The following XYLT1 variants were observed in gnomAD, a reference collection of about 807,000 sequenced individuals.
The protein encoded by XYLT1 is xylosyltransferase 1.
In XYLT1, 36 loss-of-function variants were observed where a neutral mutation model predicts 91.3. That is an observed-to-expected ratio of 0.39 (90% CI 0.30 to 0.52). The LOEUF (loss-of-function observed/expected upper bound fraction) is 0.52. Among genes scored for constraint, XYLT1 ranks in the 20% least tolerant of loss-of-function variants. XYLT1 has a pLI of 0.68. For missense variants in XYLT1, 1,242 were observed against 1,284.5 expected (o/e 0.97, Z 0.51); for synonymous variants, 588 against 532.0 (o/e 1.11, Z -1.45).
intron 1 of XYLT1, among the ~76,000 whole-genome samples, chr16:17,363,079 A>G (rs892890214): frequency 2.6e-5 from 4 of 152,180 alleles, no homozygotes; most frequent in Non-Finnish European, 5.9e-5. Flanking sequence ...AACTTGGAAA[A>G]TCTAAGAAAC....
At chr16:17,466,967 C>T (rs2036906035) in intron 1 of XYLT1, among the ~76,000 whole-genome samples, 1 of 151,952 alleles carries the variant, frequency 6.6e-6, no homozygotes, top group Admixed American at 6.6e-5. Flanking sequence ...AAAAGCTATA[C>T]CTCCAAGGCT....
At chr16:17,178,554 G>T (rs2031995552) in intron 5 of XYLT1, among the ~76,000 whole-genome samples, 2 of 152,170 alleles carry the variant, frequency 1.3e-5, no homozygotes, top group South Asian at 4.1e-4. Context: ...CGTGTTCTGG[G>T]CAAGGCCACG....
intron 2 of XYLT1, among the ~76,000 whole-genome samples, chr16:17,302,951 CCGTGAG>C (rs2034418829): frequency 6.6e-6 from 1 of 151,938 alleles, no homozygotes; most frequent in African/African-American, 2.4e-5. Context: ...ACACATGTGA[CCGTGAG>C]CTTAATGCAA....
chr16:17,379,757 TC>T (rs1567401438), intron 1 of XYLT1, among the ~76,000 whole-genome samples: 1,664 of 129,908 alleles, frequency 0.013, 34 homozygotes, highest in African/African-American at 0.054. Context: ...TCTCTCTCTC[TC>T]TCTCTCACAC....
Position 17,408,902 on chromosome 16 carries a change from G to A in XYLT1, c.364-50852C>T, listed in dbSNP as rs1163608181. Among the ~76,000 whole-genome samples the A allele has an allele frequency of 4.6e-5, 7 of 152,234 alleles. No individual in the cohort carries two copies. The East Asian group carries it at 7.7e-4, about 17-fold the overall frequency. ...GTAACGAGTGTTAGATATTGGTGGGGGTGGCATCAGAAGGACTTTGTGTGA... is the reference window on the plus strand; with the variant it reads ...GTAACGAGTGTTAGATATTGGTGGGAGTGGCATCAGAAGGACTTTGTGTGA... On this transcript the variant is annotated intron_variant, in intron 1 of 11. Transcript: ENST00000261381.
intron 2 of XYLT1, among the ~76,000 whole-genome samples, chr16:17,316,341 G>A (rs2034632025): frequency 6.6e-6 from 1 of 152,154 alleles, no homozygotes; most frequent in South Asian, 2.1e-4. Flanking sequence ...CCCCCTCCAT[G>A]CAGATTTGGG....
intron 2 of XYLT1, among the ~76,000 whole-genome samples, chr16:17,274,278 T>A (rs1348258430): frequency 1.3e-5 from 2 of 152,208 alleles, no homozygotes; most frequent in African/African-American, 4.8e-5. Context: ...AGTCTATTGA[T>A]CTTTTTTAGA....
intron 2 of XYLT1, among the ~76,000 whole-genome samples, chr16:17,277,188 T>C (rs2033990013): frequency 6.6e-6 from 1 of 152,206 alleles, no homozygotes; most frequent in Admixed American, 6.5e-5. Context: ...CTGTTATCTA[T>C]TTTTATCTAT....
At chr16:17,261,483 T>TC (rs560994220) in intron 2 of XYLT1, among the ~76,000 whole-genome samples, 311 of 152,214 alleles carry the variant, frequency 2.0e-3, no homozygotes, top group Middle Eastern at 6.8e-3. Context: ...ACCAGGCAGA[T>TC]CACAGACCCC....
intron 2 of XYLT1, among the ~76,000 whole-genome samples, chr16:17,286,424 A>G (rs957607028): frequency 1.3e-5 from 2 of 152,220 alleles, no homozygotes; most frequent in Non-Finnish European, 2.9e-5. Flanking sequence ...TCACCAATAT[A>G]AAGACCACTC....
intron 3 of XYLT1, among the ~76,000 whole-genome samples, chr16:17,245,787 A>G (rs1313473094): frequency 1.3e-5 from 2 of 152,218 alleles, no homozygotes; most frequent in African/African-American, 4.8e-5. Flanking sequence ...ATGAAAAATT[A>G]TTGCTTTGTC....
intron 5 of XYLT1, 83 bp from the exon 6 acceptor site, chr16:17,158,992 G>A (rs1201320338): frequency 8.0e-7 from 1 of 1,252,994 alleles, no homozygotes; most frequent in Non-Finnish European, 1.2e-6. Flanking sequence ...CACCAATTAT[G>A]TCAGTCTGCT....
At chr16:17,198,462 AC>A (rs2032474886) in intron 4 of XYLT1, 48 bp from the exon 5 acceptor site, 1 of 1,571,398 alleles carries the variant, frequency 6.4e-7, no homozygotes, top group Non-Finnish European at 8.7e-7. Flanking sequence ...CCTAGAAAAT[AC>A]CCAGGCATGC....
chr16:17,307,450 G>A (rs1051721862), intron 2 of XYLT1, among the ~76,000 whole-genome samples: 8 of 152,158 alleles, frequency 5.3e-5, no homozygotes, highest in African/African-American at 1.7e-4. Context: ...TTCATTACAG[G>A]AGTCATCTCT....
intron 2 of XYLT1, among the ~76,000 whole-genome samples, chr16:17,307,677 G>T (rs2034488053): frequency 6.6e-6 from 1 of 152,182 alleles, no homozygotes; most frequent in African/African-American, 2.4e-5. Context: ...TCTTTCCAAT[G>T]ACTCTGGCCC....
At chr16:17,163,389 T>C (rs1024630766) in intron 5 of XYLT1, among the ~76,000 whole-genome samples, 1 of 152,166 alleles carries the variant, frequency 6.6e-6, no homozygotes, top group Admixed American at 6.5e-5. Context: ...AAAGGTGCCC[T>C]GGGCACACAG....
At chr16:17,233,234 C>A (rs1293176777) in intron 3 of XYLT1, among the ~76,000 whole-genome samples, 2 of 152,218 alleles carry the variant, frequency 1.3e-5, no homozygotes, top group Admixed American at 6.5e-5. Flanking sequence ...GACCTCAAGG[C>A]AAACTCATGC....
intron 2 of XYLT1, among the ~76,000 whole-genome samples, chr16:17,335,756 T>G (rs914176525): frequency 1.3e-5 from 2 of 151,998 alleles, no homozygotes; most frequent in African/African-American, 2.4e-5. Flanking sequence ...ATCCATGTAA[T>G]GTCTGTTGTT....
intron 3 of XYLT1, among the ~76,000 whole-genome samples, chr16:17,232,432 TATATATATATATATATAC>T (rs1567334071): frequency 1.7e-4 from 11 of 64,234 alleles, no homozygotes; most frequent in Non-Finnish European, 3.8e-4. Context: ...TGTGTGTGTA[TATATATATATATATATAC>T]ATATATATAT....
Sources: allele counts gnomAD v4.1 joint callset (sites outside exome capture counted in the v4.1 genomes callset), GRCh38; gene constraint gnomAD v4.1.1; transcripts MANE v1.5; gene names NCBI Gene and HGNC (gene_info 2026-07-23, HGNC 2026-07-21).